Variants in CPAMD8 observed in about 807,000 individuals in gnomAD.
The protein encoded by CPAMD8 is C3 and PZP like alpha-2-macroglobulin domain containing 8.
In CPAMD8, 146 loss-of-function variants were observed where a neutral mutation model predicts 224.7. The observed-to-expected ratio is 0.65, with a 90% CI of 0.57 to 0.75. CPAMD8 has a LOEUF of 0.75. Among genes scored for constraint, CPAMD8 ranks in the 30% least tolerant of loss-of-function variants. CPAMD8 has a pLI of 0.00. For missense variants in CPAMD8, 2,301 were observed against 2,537.5 expected (o/e 0.91, Z 2.00); for synonymous variants, 966 against 1,044.6 (o/e 0.92, Z 1.45).
intron 2 of CPAMD8, among the ~76,000 whole-genome samples, chr19:17,020,661 G>T (rs1376355917): frequency 6.6e-6 from 1 of 152,128 alleles, no homozygotes; most frequent in Non-Finnish European, 1.5e-5. Flanking sequence ...GCTGTGAGGG[G>T]AGTAATGGGA....
rs758811341 is a variant in CPAMD8, at chr19:16,971,033, C to T, written c.2071G>A (p.Glu691Lys). Residue 691 changes from glutamate (E) to lysine (K), a missense_variant and splice_region_variant, in exon 18 of 42, where the codon GAA becomes AAA. Around this residue, in one of 4 missense-constraint regions of CPAMD8, gnomAD observed 1,709 missense variants for 1,753.2 expected, o/e 0.97. Transcript: ENST00000443236. Reference sequence around the variant, plus strand: ...TCGGTCATCACCACCAGTCCCGTTTCCTAGGCAACAGACAACACCCAAACC... The same window carrying T: ...TCGGTCATCACCACCAGTCCCGTTTTCTAGGCAACAGACAACACCCAAACC... ...ITKDSGFAFTETGLVVMTDRV... is the reference protein window; with the variant it reads ...ITKDSGFAFTKTGLVVMTDRV... 64 of 1,599,044 alleles carry T rather than the reference C, an allele frequency of 4.0e-5. 2 individuals are homozygous for T. The Middle Eastern group carries it at 7.2e-3, about 179-fold the overall frequency.
At chr19:16,905,097 TGTGTG>T (rs1181307736) in intron 30 of CPAMD8, among the ~76,000 whole-genome samples, 2 of 151,422 alleles carry the variant, frequency 1.3e-5, no homozygotes, top group Non-Finnish European at 2.9e-5. Context: ...AAAAATTAGC[TGTGTG>T]TGGTGGTGCA....
chr19:16,922,596 A>C (rs1472160508), intron 26 of CPAMD8, among the ~76,000 whole-genome samples: 2 of 147,846 alleles, frequency 1.4e-5, no homozygotes, highest in Non-Finnish European at 3.0e-5. Context: ...AAACTGCTCC[A>C]CATCACATCT....
chr19:16,974,418 C>T (rs1283199960), intron 17 of CPAMD8, among the ~76,000 whole-genome samples: 3 of 151,666 alleles, frequency 2.0e-5, no homozygotes, highest in Non-Finnish European at 2.9e-5. Context: ...ACAGCCACCT[C>T]CTTCTGCTTG....
In CPAMD8 at chr19:16,896,646, C is replaced by A. The variant is rs757333482; in HGVS notation, c.5085G>T (p.Ser1695=). ...ARGPGWFPGE[S]GPAVAPEEGA... ...CCTCCTCAGGGGCCACGGCAGGGCCCGACTCGCCGGGGAACCAGCCTGGGG... is the reference window on the plus strand; with the variant it reads ...CCTCCTCAGGGGCCACGGCAGGGCCAGACTCGCCGGGGAACCAGCCTGGGG... The change falls in exon 40 of 42, where the codon TCG becomes TCT. Residue 1695 remains serine, a synonymous_variant. Transcript: ENST00000443236. The A allele has an allele frequency of 1.1e-5, 16 of 1,475,866 alleles. No individual in the cohort carries two copies. In the South Asian group the frequency reaches 2.1e-4, roughly 19 times the overall value. The allele number at this position is 1,475,866 out of a possible 1,614,324, so 91.4% of individuals were successfully genotyped here. A position where few individuals can be genotyped will look rare whatever the true frequency, so the allele number is the denominator to read the frequency against.
intron 29 of CPAMD8, among the ~76,000 whole-genome samples, chr19:16,909,984 T>C (rs1025811155): frequency 1.5e-4 from 23 of 151,510 alleles, no homozygotes; most frequent in African/African-American, 5.3e-4. Flanking sequence ...CCCGAGTAGC[T>C]GGGATTACAG....
chr19:17,008,966 T>A (rs1459948855), intron 6 of CPAMD8, among the ~76,000 whole-genome samples: 2 of 151,818 alleles, frequency 1.3e-5, no homozygotes, highest in African/African-American at 4.8e-5. Context: ...TGTGGTGCCA[T>A]ACGCCTGTAG....
intron 10 of CPAMD8, among the ~76,000 whole-genome samples, chr19:16,999,542 G>A (rs924320576): frequency 4.1e-5 from 6 of 146,870 alleles, no homozygotes; most frequent in East Asian, 4.0e-4. Flanking sequence ...CCGAGATCAC[G>A]CCATTGCACT....
At chr19:16,922,025 G>C (rs1399718351) in intron 26 of CPAMD8, 39 bp from the exon 27 acceptor site, 1 of 1,450,942 alleles carries the variant, frequency 6.9e-7, no homozygotes, top group Non-Finnish European at 9.4e-7. Flanking sequence ...CTGTTGAGTG[G>C]CCTGGCCCAG....
chr19:16,909,027 C>T (rs551554676), intron 29 of CPAMD8, among the ~76,000 whole-genome samples: 29 of 152,164 alleles, frequency 1.9e-4, no homozygotes, highest in Non-Finnish European at 1.3e-4. Flanking sequence ...GCGGATGCAA[C>T]GGAACTCCAA....
chr19:16,948,803 GA>G (rs758148764), intron 20 of CPAMD8, among the ~76,000 whole-genome samples: 2 of 132,292 alleles, frequency 1.5e-5, no homozygotes, highest in East Asian at 4.5e-4. Context: ...GAGGGGAAGA[GA>G]GGGGAAGAGA....
chr19:17,010,516 G>A (rs1481169047), intron 5 of CPAMD8, among the ~76,000 whole-genome samples: 4 of 152,134 alleles, frequency 2.6e-5, no homozygotes, highest in South Asian at 2.1e-4. Context: ...TGGGATTACA[G>A]ATGTGAGACA....
At position 16,896,574 on chromosome 19, in the gene CPAMD8, C is replaced by A; in HGVS notation, c.5157G>T (p.Gln1719His). 1 of 1,512,336 alleles carries A rather than the reference C, an allele frequency of 6.6e-7. No homozygotes were observed. The highest frequency in any genetic ancestry group is 8.8e-7 in the Non-Finnish European group (1 of 1,136,904). The allele number at this position is 1,512,336 out of a possible 1,614,324, so 93.7% of individuals were successfully genotyped here. A position where few individuals can be genotyped will look rare whatever the true frequency, so the allele number is the denominator to read the frequency against. The change falls in exon 40 of 42, where the codon CAG becomes CAT. Residue 1719 changes from glutamine (Q) to histidine (H), a missense_variant. Gln to His is a conservative substitution (Grantham distance 24). Transcript: ENST00000443236. ...CGTCGGAGCCGCACACCGGGTTCCC[C>A]TGGGCGCCGCAGTCGTGGTCGCAGC... ...RCGCDHDCGA[Q>H]GNPVCGSDGV... is the part of the protein sequence containing the mutation.
At chr19:16,897,097 G>GC (rs1340883332) in intron 39 of CPAMD8, 1 of 77,278 alleles carries the variant, frequency 1.3e-5, no homozygotes, top group African/African-American at 5.3e-5. Flanking sequence ...TCTTAACCCC[G>GC]CCCCCTCCGC....
intron 30 of CPAMD8, among the ~76,000 whole-genome samples, chr19:16,906,350 CTT>C (rs1192189186): frequency 7.3e-5 from 2 of 27,430 alleles, no homozygotes; most frequent in African/African-American, 1.4e-4. Context: ...TTCTTTCTTT[CTT>C]TCTTTCTTTC....
intron 20 of CPAMD8, among the ~76,000 whole-genome samples, chr19:16,948,606 G>A (rs1021774933): frequency 2.0e-5 from 3 of 151,638 alleles, no homozygotes; most frequent in Non-Finnish European, 4.4e-5. Context: ...GTAGTGCTGG[G>A]CACCTGTAAT....
At position 16,893,272 on chromosome 19, in the gene CPAMD8, G is replaced by C; in HGVS notation, c.5494C>G (p.Pro1832Ala). 3 of 1,565,214 alleles carry C rather than the reference G, an allele frequency of 1.9e-6. No individual in the cohort carries two copies. The highest frequency in any genetic ancestry group is 2.6e-6 in the Non-Finnish European group (3 of 1,154,366). Residue 1832 changes from proline to alanine, a missense_variant, in exon 42 of 42, where the codon CCG (proline) becomes GCG (alanine). By Grantham distance (27) the Pro-to-Ala change is conservative. Coordinates refer to ENST00000443236, the MANE Select transcript of CPAMD8 (RefSeq NM_015692.5). ...NLESSTQSAS[P>A]FHRWGQTPAP... ...GGAGTCTGGCCCCATCTGTGGAACG[G>C]GCTGGCGCTCTGGGTGCTGCTTTCC...
chr19:16,941,290 C>T (rs1208935756), intron 22 of CPAMD8, among the ~76,000 whole-genome samples: 1 of 152,100 alleles, frequency 6.6e-6, no homozygotes, highest in Non-Finnish European at 1.5e-5. Flanking sequence ...CCTAAATGTC[C>T]ACCATAGGTG....
intron 35 of CPAMD8, among the ~76,000 whole-genome samples, chr19:16,901,947 G>A (rs1035121858): frequency 3.3e-5 from 5 of 152,116 alleles, no homozygotes; most frequent in East Asian, 1.9e-4. Context: ...AGCCGTTACC[G>A]GGGTAGCGGC....
Sources: allele counts gnomAD v4.1 joint callset (sites outside exome capture counted in the v4.1 genomes callset), GRCh38; gene constraint gnomAD v4.1.1; regional missense constraint gnomAD v4.1.1; transcripts MANE v1.5; gene names NCBI Gene and HGNC (gene_info 2026-07-23, HGNC 2026-07-21).